Variants in PIBF1 observed in about 807,000 individuals in gnomAD.
PIBF1 encodes progesterone-induced-blocking factor 1.
PIBF1 carries 90 observed loss-of-function variants against 112.5 expected under a neutral mutation model. The ratio of observed to expected loss-of-function variants is 0.80; its 90% CI spans 0.67 to 0.95. The LOEUF is 0.95. Ranked by LOEUF, PIBF1 falls within the 40% of genes least tolerant of loss-of-function variation. The pLI is 0.00. For synonymous variants in PIBF1, 301 were observed against 288.6 expected (o/e 1.04, Z -0.44); for missense variants, 915 against 852.3 (o/e 1.07, Z -0.92).
intron 17 of PIBF1, among the ~76,000 whole-genome samples, chr13:73,007,504 G>A (rs937924703): frequency 2.0e-5 from 3 of 151,962 alleles, no homozygotes; most frequent in African/African-American, 2.4e-5. Flanking sequence ...TTCTTTGTTC[G>A]TTTGTTTTTT....
chr13:72,987,858 A>ATTTATTTTTTTTTTTTTTTT (rs1345167411), intron 16 of PIBF1, among the ~76,000 whole-genome samples: 4 of 58,128 alleles, frequency 6.9e-5, no homozygotes, highest in African/African-American at 2.8e-4. Flanking sequence ...TTATTTATTT[A>ATTTATTTTTTTTTTTTTTTT]TTTTTTTTTT....
chr13:72,827,123 G>T lies in PIBF1; in HGVS notation c.915+5G>T, dbSNP rs2036847925. The stretch of plus-strand genomic sequence containing the variant: ...CGAAGTGAATTATCAAAAGAGGTAA[G>T]CTTATAATTAGAGTCACTTATATTA... On this transcript the variant is annotated splice_donor_5th_base_variant and intron_variant, in intron 7 of 17. Coordinates refer to ENST00000326291, the MANE Select transcript of PIBF1 (RefSeq NM_006346.4). The T allele has an allele frequency of 2.0e-6, 3 of 1,471,920 alleles. No homozygotes were observed. The highest frequency in any genetic ancestry group is 2.8e-6 in the Non-Finnish European group (3 of 1,068,630). 91.2% of individuals were successfully genotyped at this position (1,471,920 alleles called of 1,614,324 possible).
At chr13:72,822,154 T>G (rs1232036753) in intron 6 of PIBF1, among the ~76,000 whole-genome samples, 172 bp downstream of exon 6, 1 of 152,204 alleles carries the variant, frequency 6.6e-6, no homozygotes, top group Non-Finnish European at 1.5e-5. Flanking sequence ...TTATATTGGT[T>G]GTTTTTGTTT....
At chr13:72,972,318 C>T (rs963467367) in intron 15 of PIBF1, among the ~76,000 whole-genome samples, 1 of 152,070 alleles carries the variant, frequency 6.6e-6, no homozygotes, top group African/African-American at 2.4e-5. Flanking sequence ...AGGCATGAGC[C>T]AGTGTGCCCT....
chr13:72,919,357 A>G (rs1432639277), intron 13 of PIBF1, among the ~76,000 whole-genome samples: 1 of 152,232 alleles, frequency 6.6e-6, no homozygotes, highest in Non-Finnish European at 1.5e-5. Context: ...CTGAATAGAA[A>G]GTATATATTT....
Position 72,987,861 on chromosome 13 carries a change from T to TATTTA in PIBF1, c.2050-10961_2050-10960insATTTA, listed in dbSNP as rs113440808. Among the ~76,000 whole-genome samples, 328 of 86,742 alleles carry TATTTA rather than the reference T, an allele frequency of 3.8e-3. 2 individuals are homozygous for TATTTA. Among genetic ancestry groups the TATTTA allele is most frequent in the African/African-American group, 0.014 (312 of 22,158 alleles). 56.9% of individuals were successfully genotyped at this position (86,742 alleles called of 152,430 possible). On this transcript the variant is annotated intron_variant, in intron 16 of 17. Coordinates refer to ENST00000326291, the MANE Select transcript of PIBF1 (RefSeq NM_006346.4). ...TAATTTATTTATTTATTTATTTATT[T>TATTTA]TTTTTTTTTTTTTTTTTTTTGAGGC...
intron 10 of PIBF1, among the ~76,000 whole-genome samples, chr13:72,859,779 A>C (rs2038610313): frequency 6.6e-6 from 1 of 152,188 alleles, no homozygotes; most frequent in Non-Finnish European, 1.5e-5. Flanking sequence ...TATATGTAGA[A>C]TGTGATCTGT....
At chr13:73,006,704 A>C (rs2044043378) in intron 17 of PIBF1, among the ~76,000 whole-genome samples, 1 of 151,974 alleles carries the variant, frequency 6.6e-6, no homozygotes, top group Admixed American at 6.6e-5. Context: ...CTATGTCTGC[A>C]TTTATCAGTC....
chr13:72,795,571 A>G lies in PIBF1; in HGVS notation c.552+14A>G. ...GAATATGTATCTGTAAGTATCTTAT[A>G]TCTATTTTTAACTATGACATATATT... On this transcript the variant is annotated intron_variant, in intron 4 of 17. Coordinates refer to ENST00000326291, the MANE Select transcript of PIBF1 (RefSeq NM_006346.4). 4 of 1,425,532 alleles carry G rather than the reference A, an allele frequency of 2.8e-6. No homozygotes were observed. The highest frequency in any genetic ancestry group is 3.9e-6 in the Non-Finnish European group (4 of 1,028,774). The allele number at this position is 1,425,532 out of a possible 1,614,324, so 88.3% of individuals were successfully genotyped here.
intron 10 of PIBF1, among the ~76,000 whole-genome samples, chr13:72,878,217 C>CT (rs1192203618): frequency 2.0e-5 from 3 of 151,212 alleles, no homozygotes; most frequent in African/African-American, 4.9e-5. Context: ...TTAATTTACT[C>CT]TTTTTTTTCT....
At chr13:72,784,275 T>TAAAAAA (rs5804646) in intron 2 of PIBF1, among the ~76,000 whole-genome samples, 1 of 123,988 alleles carries the variant, frequency 8.1e-6, no homozygotes, top group Admixed American at 8.3e-5. Context: ...CAGCTCTACT[T>TAAAAAA]AAAAAAAAAA....
At chr13:72,856,795 T>C (rs2038441869) in intron 10 of PIBF1, among the ~76,000 whole-genome samples, 1 of 152,198 alleles carries the variant, frequency 6.6e-6, no homozygotes, top group Non-Finnish European at 1.5e-5. Context: ...TCAGTTTAAT[T>C]CTTTCTTAAT....
chr13:72,848,530 T>C (rs1439441854), intron 9 of PIBF1, among the ~76,000 whole-genome samples: 1 of 152,216 alleles, frequency 6.6e-6, no homozygotes, highest in Admixed American at 6.5e-5. Flanking sequence ...TTAAAACCCT[T>C]TTATTTAAGT....
chr13:72,968,877 A>T (rs2042819085), intron 15 of PIBF1, among the ~76,000 whole-genome samples: 1 of 151,766 alleles, frequency 6.6e-6, no homozygotes, highest in Non-Finnish European at 1.5e-5. Context: ...TTGTCTCTAC[A>T]AAAAATACAG....
In PIBF1 at chr13:72,832,071, C is replaced by CTTTTTTTTTTTTTTTTTTTTTTT. The variant is rs1491281184; in HGVS notation, c.1098-3172_1098-3171insTTTTTTTTTTTTTTTTTTTTTTT. Among the ~76,000 whole-genome samples the CTTTTTTTTTTTTTTTTTTTTTTT allele has an allele frequency of 1.0e-4, 6 of 59,492 alleles. 2 individuals carry two copies. Among genetic ancestry groups the CTTTTTTTTTTTTTTTTTTTTTTT allele is most frequent in the African/African-American group, 1.7e-4 (3 of 17,818 alleles). 39.0% of individuals were successfully genotyped at this position (59,492 alleles called of 152,430 possible). A position where few individuals can be genotyped will look rare whatever the true frequency, so the allele number is the denominator to read the frequency against. On this transcript the variant is annotated intron_variant, in intron 8 of 17. Transcript: ENST00000326291. ...TCAGAGATTAGAATTGCAATTCCGG[C>CTTTTTTTTTTTTTTTTTTTTTTT]CTTTTTTTTTTTTTTTTTTTTTTTT...
chr13:72,890,977 A>G (rs1339021183), intron 10 of PIBF1, among the ~76,000 whole-genome samples: 2 of 152,170 alleles, frequency 1.3e-5, no homozygotes, highest in African/African-American at 4.8e-5. Flanking sequence ...TTCATTTTAC[A>G]AAGCTTCAGT....
chr13:72,862,324 A>G (rs1473888247), intron 10 of PIBF1, among the ~76,000 whole-genome samples: 1 of 152,204 alleles, frequency 6.6e-6, no homozygotes, highest in East Asian at 1.9e-4. Context: ...AATAAATCTA[A>G]GCTGCATGCA....
rs142568201 is a variant in PIBF1 at position 72,905,000 on chromosome 13, C to T, written c.1489-3531C>T. Among the ~76,000 whole-genome samples the T allele has an allele frequency of 1.5e-3, 234 of 151,710 alleles. 2 individuals carry two copies. Among genetic ancestry groups the T allele is most frequent in the Non-Finnish European group, 2.9e-4 (20 of 67,930 alleles). On this transcript the variant is annotated intron_variant, in intron 11 of 17. Coordinates refer to ENST00000326291, the MANE Select transcript of PIBF1 (RefSeq NM_006346.4). ...AGAGGTTATATTATTTAATATCGCA[C>T]AACTAGTAAGTGACTGAACTGTGAT... is the stretch of plus-strand genomic sequence containing the variant.
Position 72,783,552 on chromosome 13 carries a change from C to G in PIBF1, c.83C>G (p.Thr28Arg), listed in dbSNP as rs2034419035. The G allele has an allele frequency of 6.2e-7, 1 of 1,613,212 alleles. No homozygotes were observed. ...LESEDISLETTVPTDDISSSE... is the reference protein window; with the variant it reads ...LESEDISLETRVPTDDISSSE... The stretch of plus-strand genomic sequence containing the variant: ...TCTGAAGATATTAGTTTAGAAACAA[C>G]AGTTCCTACGGATGATATTTCCTCA... Residue 28 changes from threonine to arginine, a missense_variant, in exon 2 of 18, where the codon ACA (threonine) becomes AGA (arginine). Transcript: ENST00000326291.
Sources: allele counts gnomAD v4.1 joint callset (sites outside exome capture counted in the v4.1 genomes callset), GRCh38; gene constraint gnomAD v4.1.1; transcripts MANE v1.5; gene names NCBI Gene and HGNC (gene_info 2026-07-23, HGNC 2026-07-21).